CCSER1: variants seen among roughly 807,000 people sequenced by gnomAD.
The protein encoded by CCSER1 is serine-rich coiled-coil domain-containing protein 1.
A neutral mutation model predicts 82.0 loss-of-function variants in CCSER1; 41 were observed. That is an observed-to-expected ratio of 0.50 (90% confidence interval 0.39 to 0.65). The LOEUF is 0.65. CCSER1 is among the 30% of genes least tolerant of loss of function. The pLI is 0.00. For missense variants in CCSER1, 1,119 were observed against 1,064.2 expected, an observed-to-expected ratio of 1.05 and a Z score of -0.72; for synonymous variants, 414 against 383.9, an observed-to-expected ratio of 1.08 and a Z score of -0.92.
chr4:90,804,785 G>A (rs1020700155), intron 7 of CCSER1, among the ~76,000 whole-genome samples: 1 of 152,094 alleles, frequency 6.6e-6, no homozygotes, highest in Non-Finnish European at 1.5e-5. Context: ...CTGAACCTGG[G>A]ACAAACTACC....
At chr4:91,215,140 A>C (rs1033561529) in intron 10 of CCSER1, among the ~76,000 whole-genome samples, 1 of 152,142 alleles carries the variant, frequency 6.6e-6, no homozygotes, top group African/African-American at 2.4e-5. Flanking sequence ...GATAAAATAT[A>C]CCTTTGTACC....
At chr4:90,740,161 T>C (rs1383253397) in intron 7 of CCSER1, among the ~76,000 whole-genome samples, 1 of 152,186 alleles carries the variant, frequency 6.6e-6, no homozygotes, top group Admixed American at 6.5e-5. Flanking sequence ...TTTTTAAAAG[T>C]ATTTTACAAA....
intron 5 of CCSER1, among the ~76,000 whole-genome samples, chr4:90,497,421 G>A (rs1260698421): frequency 6.6e-6 from 1 of 151,916 alleles, no homozygotes; most frequent in Non-Finnish European, 1.5e-5. Flanking sequence ...ATATATATGG[G>A]GTGTATGGAG....
intron 1 of CCSER1, among the ~76,000 whole-genome samples, chr4:90,258,693 A>G (rs1475283680): frequency 1.3e-5 from 2 of 152,182 alleles, no homozygotes; most frequent in African/African-American, 4.8e-5. Flanking sequence ...TTAATAGTAC[A>G]TATGTGTTAG....
intron 8 of CCSER1, among the ~76,000 whole-genome samples, chr4:90,836,432 T>G (rs1761816568): frequency 6.6e-6 from 1 of 152,142 alleles, no homozygotes; most frequent in Non-Finnish European, 1.5e-5. Context: ...GAGAGTCACC[T>G]TTCCCCCCAC....
At chr4:90,167,596 G>A (rs770582243) in intron 1 of CCSER1, among the ~76,000 whole-genome samples, 13 of 152,166 alleles carry the variant, frequency 8.5e-5, no homozygotes, top group African/African-American at 1.7e-4. Context: ...TTAACATTAG[G>A]TATATCTCCT....
intron 9 of CCSER1, among the ~76,000 whole-genome samples, chr4:91,043,583 CTTTTTTTTTTT>C (rs11364315): frequency 1.4e-5 from 1 of 71,566 alleles, no homozygotes; most frequent in Non-Finnish European, 2.8e-5. Context: ...CATCAGCCTT[CTTTTTTTTTTT>C]TTTTTTTTTT....
chr4:91,260,838 G>A (rs1297847861), intron 10 of CCSER1, among the ~76,000 whole-genome samples: 2 of 152,068 alleles, frequency 1.3e-5, no homozygotes, highest in African/African-American at 4.8e-5. Flanking sequence ...TCGGCTCACT[G>A]CAAGCTCCAC....
chr4:91,472,004 C>A (rs374518435), intron 10 of CCSER1, among the ~76,000 whole-genome samples: 1 of 149,954 alleles, frequency 6.7e-6, no homozygotes, highest in East Asian at 2.0e-4. Context: ...AAGAAAAAAA[C>A]TAAAGATTTT....
intron 8 of CCSER1, among the ~76,000 whole-genome samples, chr4:90,824,243 A>C (rs932442821): frequency 1.3e-5 from 2 of 152,130 alleles, no homozygotes; most frequent in African/African-American, 4.8e-5. Flanking sequence ...GTAAGCATGT[A>C]AACAATCATG....
chr4:90,685,151 A>G (rs779617906), intron 6 of CCSER1, among the ~76,000 whole-genome samples: 29 of 152,256 alleles, frequency 1.9e-4, no homozygotes, highest in African/African-American at 6.5e-4. Flanking sequence ...CTTCAGGCAT[A>G]TAACAATCTG....
intron 10 of CCSER1, among the ~76,000 whole-genome samples, chr4:91,223,453 TAGC>T: frequency 6.6e-6 from 1 of 152,288 alleles, no homozygotes; most frequent in South Asian, 2.1e-4. Flanking sequence ...TTAATAATTT[TAGC>T]ATATGATAGG....
intron 10 of CCSER1, among the ~76,000 whole-genome samples, chr4:91,100,100 T>C (rs1219523045): frequency 2.0e-5 from 3 of 152,100 alleles, no homozygotes; most frequent in Non-Finnish European, 2.9e-5. Context: ...TAAGTCACAA[T>C]ATATAGAGTT....
intron 8 of CCSER1, among the ~76,000 whole-genome samples, chr4:90,874,532 G>T (rs752962785): frequency 2.0e-5 from 3 of 152,164 alleles, no homozygotes; most frequent in South Asian, 2.1e-4. Flanking sequence ...CTCACCAGCT[G>T]CTGTTTTTCC....
intron 3 of CCSER1, among the ~76,000 whole-genome samples, chr4:90,373,530 TC>T (rs1170468008): frequency 2.0e-5 from 3 of 152,206 alleles, no homozygotes; most frequent in African/African-American, 7.2e-5. Flanking sequence ...ACAATACTCT[TC>T]TATCAGAAAC....
chr4:91,266,440 A>G (rs28503262), intron 10 of CCSER1, among the ~76,000 whole-genome samples: 41,222 of 151,556 alleles, frequency 0.27, 5,689 homozygotes, highest in South Asian at 0.39. Context: ...TTTAGTAGAG[A>G]CGGGGTTTCA....
At chr4:91,571,567 T>A (rs1221452975) in intron 10 of CCSER1, among the ~76,000 whole-genome samples, 1 of 152,126 alleles carries the variant, frequency 6.6e-6, no homozygotes, top group Non-Finnish European at 1.5e-5. Context: ...GCCAGACACT[T>A]ATAGAACCAT....
rs377402944 is a variant in CCSER1, at chr4:90,308,552, T to G, written c.268T>G (p.Ser90Ala). ...GCCTACCAACCAGAACCTTAGTATT[T>G]CAAATGGTGCTCAACCTGGTCACAG... The part of the protein sequence containing the change: ...QEPTNQNLSI[S>A]NGAQPGHSNM... The change falls in exon 2 of 11, where the codon TCA becomes GCA. Residue 90 changes from serine (S) to alanine (A), a missense_variant. Coordinates refer to ENST00000509176, the MANE Select transcript of CCSER1 (RefSeq NM_001145065.2). 3.2e-5 allele frequency: 51 copies of G among 1,613,778 alleles called. No homozygotes were observed. The highest frequency in any genetic ancestry group is 1.6e-4 in the Middle Eastern group (1 of 6,084).
chr4:91,054,959 G>T (rs1367491222), intron 9 of CCSER1, among the ~76,000 whole-genome samples: 3 of 152,014 alleles, frequency 2.0e-5, no homozygotes, highest in Admixed American at 2.0e-4. Flanking sequence ...TTCTATCTTG[G>T]AATTTAATCT....
Sources: allele counts gnomAD v4.1 joint callset (sites outside exome capture counted in the v4.1 genomes callset), GRCh38; gene constraint gnomAD v4.1.1; transcripts MANE v1.5; gene names NCBI Gene and HGNC (gene_info 2026-07-23, HGNC 2026-07-21).